Variants in CADM1 observed in about 807,000 individuals in gnomAD.
CADM1 encodes the protein TSLC-1.
In CADM1, 15 loss-of-function variants were observed where a neutral mutation model predicts 53.1. That is an observed-to-expected ratio of 0.28 (90% CI 0.19 to 0.44). CADM1 has a LOEUF of 0.44. CADM1 is among the 20% of genes least tolerant of loss of function. The pLI, the probability that CADM1 is intolerant of heterozygous loss-of-function variation, is 1.00. For synonymous variants in CADM1, 281 were observed against 243.0 expected (o/e 1.16, Z -1.45); for missense variants, 434 against 611.3 (o/e 0.71, Z 3.06).
intron 1 of CADM1, among the ~76,000 whole-genome samples, chr11:115,322,796 TGTTC>T (rs1944858006): frequency 1.3e-5 from 2 of 152,236 alleles, no homozygotes; most frequent in South Asian, 4.1e-4. Context: ...ACATATTGTT[TGTTC>T]ATCAATAAAT....
chr11:115,342,152 C>T (rs544269596), intron 1 of CADM1, among the ~76,000 whole-genome samples: 1 of 152,264 alleles, frequency 6.6e-6, no homozygotes, highest in South Asian at 2.1e-4. Context: ...AAGGCTTTAA[C>T]TTACCTTAAA....
intron 1 of CADM1, among the ~76,000 whole-genome samples, chr11:115,436,793 C>G (rs1453438479): frequency 1.3e-5 from 2 of 152,192 alleles, no homozygotes; most frequent in Non-Finnish European, 2.9e-5. Context: ...CTGCAATCCT[C>G]TTCCACTTGT....
intron 1 of CADM1, among the ~76,000 whole-genome samples, chr11:115,355,342 G>A (rs1945838211): frequency 6.6e-6 from 1 of 152,096 alleles, no homozygotes; most frequent in Non-Finnish European, 1.5e-5. Context: ...ATTATCCTTA[G>A]CAAACTAACA....
At chr11:115,261,862 C>T (rs377478420) in intron 1 of CADM1, among the ~76,000 whole-genome samples, 3 of 152,010 alleles carry the variant, frequency 2.0e-5, no homozygotes, top group East Asian at 3.9e-4. Flanking sequence ...TCACTGCAAC[C>T]TCCACCTCCT....
chr11:115,318,790 C>T (rs1038153292), intron 1 of CADM1, among the ~76,000 whole-genome samples: 1 of 152,130 alleles, frequency 6.6e-6, no homozygotes, highest in African/African-American at 2.4e-5. Context: ...AAAGATTGCT[C>T]TGAGGTTTCC....
intron 1 of CADM1, among the ~76,000 whole-genome samples, chr11:115,436,444 T>A (rs1948184345): frequency 6.6e-6 from 1 of 152,204 alleles, no homozygotes; most frequent in African/African-American, 2.4e-5. Flanking sequence ...GGATTTTGTT[T>A]TGGGGGGACC....
chr11:115,358,953 T>C lies in CADM1; in HGVS notation c.125-118533A>G, dbSNP rs185957684. 6.7e-4 allele frequency among the ~76,000 whole-genome samples: 102 copies of C among 152,248 alleles called. 1 individual carries two copies. Among genetic ancestry groups the C allele is most frequent in the Admixed American group, 6.5e-5 (1 of 15,280 alleles). On this transcript the variant is annotated intron_variant, in intron 1 of 11. Coordinates refer to ENST00000331581, the MANE Select transcript of CADM1 (RefSeq NM_001301043.2). ...AACTACTATTTCTATTGTCAGAACATAAAGATAAATGTTTTGTGCTTCCCA... is the reference window on the plus strand; with the variant it reads ...AACTACTATTTCTATTGTCAGAACACAAAGATAAATGTTTTGTGCTTCCCA...
intron 1 of CADM1, among the ~76,000 whole-genome samples, chr11:115,454,471 C>G (rs1319095303): frequency 6.6e-6 from 1 of 152,220 alleles, no homozygotes; most frequent in Non-Finnish European, 1.5e-5. Flanking sequence ...ACAGACATTT[C>G]TCTTTCAACA....
chr11:115,255,689 A>G (rs557693654), intron 1 of CADM1, among the ~76,000 whole-genome samples: 1 of 152,318 alleles, frequency 6.6e-6, no homozygotes, highest in South Asian at 2.1e-4. Context: ...CTAGCCACCA[A>G]ATTAGGCCAG....
intron 7 of CADM1, among the ~76,000 whole-genome samples, chr11:115,213,863 T>C (rs966287168): frequency 2.0e-5 from 3 of 152,174 alleles, no homozygotes; most frequent in Admixed American, 6.5e-5. Context: ...GAGACTTAAT[T>C]TGATATTATA....
At chr11:115,267,236 A>G (rs965804424) in intron 1 of CADM1, among the ~76,000 whole-genome samples, 2 of 152,236 alleles carry the variant, frequency 1.3e-5, no homozygotes, top group African/African-American at 2.4e-5. Flanking sequence ...AGGAGGTACA[A>G]CCCAAATATT....
intron 3 of CADM1, among the ~76,000 whole-genome samples, chr11:115,233,279 G>C (rs1189746304): frequency 6.6e-6 from 1 of 152,044 alleles, no homozygotes; most frequent in African/African-American, 2.4e-5. Context: ...ACATGGCAAA[G>C]AACTACCCTA....
chr11:115,255,055 G>A (rs994730453), intron 1 of CADM1, among the ~76,000 whole-genome samples: 6 of 152,144 alleles, frequency 3.9e-5, no homozygotes, highest in African/African-American at 1.4e-4. Context: ...AGAGTATAGA[G>A]AAGAGGAAGC....
chr11:115,183,047 A>G (rs770294579), intron 10 of CADM1, among the ~76,000 whole-genome samples: 2 of 152,160 alleles, frequency 1.3e-5, no homozygotes, highest in Non-Finnish European at 2.9e-5. Flanking sequence ...TGATGCCCCA[A>G]ACTGCTCAGA....
intron 1 of CADM1, among the ~76,000 whole-genome samples, chr11:115,380,910 T>C (rs558027851): frequency 6.6e-6 from 1 of 152,282 alleles, no homozygotes; most frequent in Non-Finnish European, 1.5e-5. Flanking sequence ...TTAATATTTG[T>C]CTAAACTCTT....
chr11:115,184,667 A>G (rs748995493), intron 10 of CADM1, among the ~76,000 whole-genome samples: 10 of 152,230 alleles, frequency 6.6e-5, no homozygotes, highest in Non-Finnish European at 1.5e-4. Context: ...GGCATCTACT[A>G]CTACACGTCA....
chr11:115,177,307 A>G (rs1180194096), intron 11 of CADM1, among the ~76,000 whole-genome samples: 1 of 152,294 alleles, frequency 6.6e-6, no homozygotes, highest in East Asian at 1.9e-4. Context: ...GCCACTTTAT[A>G]ATGACAATAG....
chr11:115,285,574 C>T (rs766269517), intron 1 of CADM1, among the ~76,000 whole-genome samples: 2 of 152,180 alleles, frequency 1.3e-5, no homozygotes, highest in Non-Finnish European at 2.9e-5. Context: ...GAAGAAAAGA[C>T]ATGGGCTAGA....
chr11:115,401,065 C>G (rs1591781618), intron 1 of CADM1, among the ~76,000 whole-genome samples: 1 of 152,114 alleles, frequency 6.6e-6, no homozygotes, highest in Non-Finnish European at 1.5e-5. Context: ...CAGCTTCATT[C>G]GTAATTGCCA....
Sources: gnomAD v4.1 joint callset for allele counts (sites outside exome capture counted in the v4.1 genomes callset) on GRCh38, gnomAD v4.1.1 for gene constraint, MANE v1.5 for transcripts, NCBI Gene and HGNC (gene_info 2026-07-23, HGNC 2026-07-21) for gene names.